Variants in DCLK2 observed in about 807,000 individuals in gnomAD.
DCLK2 encodes the protein serine/threonine-protein kinase DCLK2.
A neutral mutation model predicts 78.4 loss-of-function variants in DCLK2; 31 were observed. The ratio of observed to expected loss-of-function variants is 0.40; its 90% CI spans 0.30 to 0.53. The LOEUF is 0.53. DCLK2 is among the 20% of genes least tolerant of loss of function. The probability of loss-of-function intolerance (pLI) is 0.61; values close to 1 mark genes in which losing one functional copy is unlikely to be tolerated. For missense variants in DCLK2, 872 were observed against 973.7 expected (o/e 0.90, Z 1.39); for synonymous variants, 407 against 374.9 (o/e 1.09, Z -0.99).
intron 2 of DCLK2, among the ~76,000 whole-genome samples, chr4:150,119,807 T>C (rs1732389455): frequency 6.6e-6 from 1 of 152,198 alleles, no homozygotes; most frequent in South Asian, 2.1e-4. Context: ...TATGATACTT[T>C]GTCACTTTAA....
intron 12 of DCLK2, among the ~76,000 whole-genome samples, chr4:150,241,176 CATTTA>C (rs1174481760): frequency 6.6e-6 from 1 of 152,184 alleles, no homozygotes; most frequent in Non-Finnish European, 1.5e-5. Context: ...GTTCATGTGA[CATTTA>C]ATTAAGAATA....
At chr4:150,159,615 A>C (rs1248417358) in intron 2 of DCLK2, among the ~76,000 whole-genome samples, 1 of 152,258 alleles carries the variant, frequency 6.6e-6, no homozygotes, top group East Asian at 1.9e-4. Context: ...TTCTTTGAGC[A>C]GGGCTTTCAT....
intron 8 of DCLK2, among the ~76,000 whole-genome samples, chr4:150,230,441 C>CTCT (rs374143727): frequency 2.8e-4 from 43 of 152,266 alleles, no homozygotes; most frequent in African/African-American, 9.9e-4. Context: ...AATATATAGA[C>CTCT]TCTTCTAACT....
At chr4:150,176,255 C>T (rs1737080877) in intron 2 of DCLK2, among the ~76,000 whole-genome samples, 1 of 152,196 alleles carries the variant, frequency 6.6e-6, no homozygotes, top group South Asian at 2.1e-4. Flanking sequence ...GTCCCTGCCT[C>T]TGTGCTATTC....
At chr4:150,130,440 C>T (rs181972964) in intron 2 of DCLK2, among the ~76,000 whole-genome samples, 21 of 152,004 alleles carry the variant, frequency 1.4e-4, no homozygotes, top group Non-Finnish European at 2.6e-4. Flanking sequence ...CCCAGCCACA[C>T]CCGTACCCAC....
At chr4:150,094,631 A>T (rs1298248084) in intron 1 of DCLK2, among the ~76,000 whole-genome samples, 1 of 152,202 alleles carries the variant, frequency 6.6e-6, no homozygotes, top group Admixed American at 6.5e-5. Context: ...AAGTCATTCT[A>T]AGTAAACTGT....
At chr4:150,239,656 G>T in intron 10 of DCLK2, 86 bp from the exon 11 acceptor site, 1 of 1,480,768 alleles carries the variant, frequency 6.8e-7, no homozygotes, top group Non-Finnish European at 9.2e-7. Flanking sequence ...AAATGTATTT[G>T]TGTCCTTTCT....
intron 5 of DCLK2, among the ~76,000 whole-genome samples, chr4:150,206,017 G>A (rs1006438891): frequency 4.6e-5 from 7 of 152,106 alleles, no homozygotes; most frequent in African/African-American, 1.4e-4. Context: ...CCCAGCTCCC[G>A]TCTTCCTAGT....
At chr4:150,234,293 T>C (rs1286340969) in intron 10 of DCLK2, among the ~76,000 whole-genome samples, 1 of 152,230 alleles carries the variant, frequency 6.6e-6, no homozygotes, top group Non-Finnish European at 1.5e-5. Context: ...CTTGCTACGG[T>C]GTTGTGATCT....
intron 15 of DCLK2, among the ~76,000 whole-genome samples, chr4:150,250,117 T>C (rs2305980): frequency 2.0e-5 from 3 of 152,036 alleles, no homozygotes; most frequent in African/African-American, 4.8e-5. Flanking sequence ...GCTAAACATA[T>C]TTCAGTTTTA....
chr4:150,122,716 A>G (rs555566419), intron 2 of DCLK2, among the ~76,000 whole-genome samples: 13 of 152,342 alleles, frequency 8.5e-5, no homozygotes, highest in Admixed American at 2.0e-4. Context: ...ACAAACCTGC[A>G]CATTCTGCAC....
intron 5 of DCLK2, among the ~76,000 whole-genome samples, chr4:150,213,958 A>G (rs1400365684): frequency 6.6e-6 from 1 of 152,184 alleles, no homozygotes; most frequent in Non-Finnish European, 1.5e-5. Flanking sequence ...GTGATGGGCA[A>G]GTTATATAAC....
chr4:150,090,581 A>G (rs533032965), intron 1 of DCLK2, among the ~76,000 whole-genome samples: 1 of 152,240 alleles, frequency 6.6e-6, no homozygotes, highest in Admixed American at 6.5e-5. Flanking sequence ...ATTAGATACG[A>G]TTTCTTCCTC....
At chr4:150,223,167 C>T (rs1741327956) in intron 7 of DCLK2, among the ~76,000 whole-genome samples, 1 of 152,194 alleles carries the variant, frequency 6.6e-6, no homozygotes, top group African/African-American at 2.4e-5. Flanking sequence ...TATACACAGA[C>T]TGCCACCTAA....
chr4:150,107,854 C>T (rs559090437), intron 2 of DCLK2, among the ~76,000 whole-genome samples: 14 of 151,998 alleles, frequency 9.2e-5, no homozygotes, highest in Non-Finnish European at 1.6e-4. Context: ...GCCTGTAGTC[C>T]CAGTTACTAG....
At chr4:150,218,207 C>G (rs925524719) in intron 5 of DCLK2, among the ~76,000 whole-genome samples, 1 of 151,136 alleles carries the variant, frequency 6.6e-6, no homozygotes, top group African/African-American at 2.4e-5. Context: ...GTTTCCTGGT[C>G]TCTTTCCCTG....
chr4:150,198,915 C>CG lies in DCLK2; in HGVS notation c.961+812_961+813insG. The CG allele has an allele frequency of 8.6e-6, 5 of 579,722 alleles. 2 individuals are homozygous for CG. The highest frequency in any genetic ancestry group is 1.5e-5 in the Non-Finnish European group (5 of 337,296). 35.9% of individuals were successfully genotyped at this position (579,722 alleles called of 1,614,324 possible). A position where few individuals can be genotyped will look rare whatever the true frequency, so the allele number is the denominator to read the frequency against. ...TCGCCCTTTCCCCTTTCAGCACCCC[C>CG]CCCCCCACTTTCTGTAGGGCAGGTC... On this transcript the variant is annotated intron_variant, in intron 4 of 15. Coordinates refer to ENST00000296550, the MANE Select transcript of DCLK2 (RefSeq NM_001040260.4).
intron 15 of DCLK2, 34 bp from the exon 16 acceptor site, chr4:150,255,986 G>A (rs373711037): frequency 3.0e-5 from 48 of 1,604,028 alleles, no homozygotes; most frequent in Non-Finnish European, 3.7e-5. Context: ...GCCTGGGCCC[G>A]GGTAATGTGT....
chr4:150,239,537 G>A (rs576057508), intron 10 of DCLK2, among the ~76,000 whole-genome samples: 1 of 152,124 alleles, frequency 6.6e-6, no homozygotes, highest in East Asian at 1.9e-4. Flanking sequence ...AGAGGTTGAG[G>A]CTGCAGTGAG....
Sources: allele counts gnomAD v4.1 joint callset (sites outside exome capture counted in the v4.1 genomes callset), GRCh38; gene constraint gnomAD v4.1.1; transcripts MANE v1.5; gene names NCBI Gene and HGNC (gene_info 2026-07-23, HGNC 2026-07-21).